The following NGFR variants were observed in gnomAD, a reference collection of about 807,000 sequenced individuals.
The protein encoded by NGFR is nerve growth factor receptor.
NGFR carries 30 observed loss-of-function variants against 43.2 expected under a neutral mutation model. The ratio of observed to expected loss-of-function variants is 0.69; its 90% confidence interval spans 0.52 to 0.94. NGFR has a LOEUF of 0.94. Among genes scored for constraint, NGFR ranks in the 40% least tolerant of loss-of-function variants. NGFR has a pLI of 0.00. For missense variants in NGFR, 529 were observed against 602.5 expected (o/e 0.88, Z 1.28); for synonymous variants, 246 against 259.6 (o/e 0.95, Z 0.50).
At chr17:49,502,814 T>A (rs1273866298) in intron 2 of NGFR, among the ~76,000 whole-genome samples, 1 of 142,794 alleles carries the variant, frequency 7.0e-6, no homozygotes, top group African/African-American at 2.7e-5. Context: ...TGCCTGGGAT[T>A]TCTTCCTTCC....
intron 1 of NGFR, among the ~76,000 whole-genome samples, chr17:49,499,260 C>T (rs1329930402): frequency 6.6e-6 from 1 of 152,146 alleles, no homozygotes; most frequent in Non-Finnish European, 1.5e-5. Flanking sequence ...TTGCACAAAG[C>T]CCCCACACCA....
rs755607572 is a variant in NGFR at position 49,512,696 on chromosome 17, G to A, written c.983-12G>A. ...AGGGGTAGGACCTGACTCTCCTCTG[G>A]TTTCTCTGCAGCCCTCAAGGGTGAC... On this transcript the variant is annotated splice_polypyrimidine_tract_variant and intron_variant, in intron 5 of 5. Coordinates refer to ENST00000172229, the MANE Select transcript of NGFR (RefSeq NM_002507.4). The surrounding 1 kb of genome is among the most constrained non-coding windows in gnomAD (Gnocchi z 5.2). 3 of 1,565,902 alleles carry A rather than the reference G, an allele frequency of 1.9e-6. No individual in the cohort carries two copies. The highest frequency in any genetic ancestry group is 2.6e-6 in the Non-Finnish European group (3 of 1,154,600).
intron 2 of NGFR, among the ~76,000 whole-genome samples, chr17:49,502,815 T>TCTTTCTTC (rs750931350): frequency 1.2e-4 from 14 of 121,590 alleles, no homozygotes; most frequent in African/African-American, 3.4e-4. Flanking sequence ...GCCTGGGATT[T>TCTTTCTTC]CTTCCTTCCT....
chr17:49,502,192 C>T lies in NGFR; in HGVS notation c.196C>T (p.Pro66Ser), dbSNP rs748311816. The change falls in exon 2 of 6, where the codon CCC becomes TCC. Residue 66 changes from proline (P) to serine (S), a missense_variant. By Grantham distance (74) the Pro-to-Ser change is moderately conservative. Coordinates refer to ENST00000172229, the MANE Select transcript of NGFR (RefSeq NM_002507.4). ...TGGAGCCAACCAGACCGTGTGTGAG[C>T]CCTGCCTGGACAGTGAGTAGAGGGT... ...PCGANQTVCE[P>S]CLDSVTFSDV... 5.0e-6 allele frequency: 8 copies of T among 1,605,338 alleles called. No individual in the cohort carries two copies. In the Admixed American group the frequency reaches 1.3e-4, roughly 27 times the overall value.
In NGFR at chr17:49,511,962, G is replaced by C. The variant is rs139863693; in HGVS notation, c.892G>C (p.Gly298Arg). The C allele has an allele frequency of 3.7e-6, 6 of 1,613,538 alleles. No homozygotes were observed. In the African/African-American group the frequency reaches 6.7e-5, roughly 18 times the overall value. Residue 298 changes from glycine (G) to arginine (R), a missense_variant, in exon 5 of 6, where the codon GGA (glycine) becomes CGA (arginine). Coordinates refer to ENST00000172229, the MANE Select transcript of NGFR (RefSeq NM_002507.4). ...AGTGAACCAGACGCCCCCACCAGAGGGAGAAAAACTCCACAGCGACAGTGG... is the reference window on the plus strand; with the variant it reads ...AGTGAACCAGACGCCCCCACCAGAGCGAGAAAAACTCCACAGCGACAGTGG... Reference protein sequence around the residue: ...RPVNQTPPPEGEKLHSDSGIS... With the variant: ...RPVNQTPPPEREKLHSDSGIS...
At chr17:49,503,387 G>T (rs1278612001) in intron 2 of NGFR, among the ~76,000 whole-genome samples, 1 of 152,170 alleles carries the variant, frequency 6.6e-6, no homozygotes, top group Non-Finnish European at 1.5e-5. Context: ...CCTTTGGGCC[G>T]TGGGCTCCCT....
intron 1 of NGFR, chr17:49,496,061 A>G (rs2071136504): frequency 6.6e-6 from 1 of 150,942 alleles, no homozygotes; most frequent in Admixed American, 6.6e-5. Flanking sequence ...GGGGCGTCGG[A>G]GGGAGAGGTT....
At chr17:49,507,608 C>G (rs907697677) in intron 3 of NGFR, among the ~76,000 whole-genome samples, 3 of 152,180 alleles carry the variant, frequency 2.0e-5, no homozygotes, top group African/African-American at 7.2e-5. Context: ...TGGTGACGTC[C>G]GTCTCAGGGG....
chr17:49,512,732 A>G lies in NGFR; in HGVS notation c.1007A>G (p.Tyr336Cys). 1.2e-6 allele frequency: 2 copies of G among 1,609,744 alleles called. No individual in the cohort carries two copies. ...GCCCTCAAGGGTGACGGAGGCCTCT[A>G]CAGCAGCCTGCCCCCAGCCAAGCGG... is the stretch of plus-strand genomic sequence containing the variant. ...GQALKGDGGL[Y>C]SSLPPAKREE... Residue 336 changes from tyrosine (Y) to cysteine (C), a missense_variant, in exon 6 of 6, where the codon TAC becomes TGC. Coordinates refer to ENST00000172229, the MANE Select transcript of NGFR (RefSeq NM_002507.4). The surrounding 1 kb of genome is among the most constrained non-coding windows in gnomAD (Gnocchi z 5.2).
intron 1 of NGFR, among the ~76,000 whole-genome samples, chr17:49,500,463 A>G (rs1010417364): frequency 6.6e-6 from 1 of 152,216 alleles, no homozygotes; most frequent in African/African-American, 2.4e-5. Context: ...GAGTCTATAA[A>G]GTTCAGGCCA....
chr17:49,511,949 G>A lies in NGFR; in HGVS notation c.879G>A (p.Thr293=), dbSNP rs141901124. 4,799 of 1,613,212 alleles carry A rather than the reference G, an allele frequency of 3.0e-3. 10 individuals carry two copies. The highest frequency in any genetic ancestry group is 3.6e-3 in the Non-Finnish European group (4,262 of 1,179,664). ...CCAACAGCCGGCCAGTGAACCAGAC[G>A]CCCCCACCAGAGGGAGAAAAACTCC... ...QGANSRPVNQ[T]PPPEGEKLHS... is the part of the protein sequence containing the mutation. Residue 293 remains threonine, a synonymous_variant, in exon 5 of 6, where the codon ACG becomes ACA. Coordinates refer to ENST00000172229, the MANE Select transcript of NGFR (RefSeq NM_002507.4).
Position 49,511,974 on chromosome 17 carries a change from C to CA in NGFR, c.905dup (p.His302GlnfsTer15), listed in dbSNP as rs2071235858. 6.2e-7 allele frequency: 1 copy of CA among 1,613,674 alleles called. No homozygotes were observed. The highest frequency in any genetic ancestry group is 1.3e-5 in the African/African-American group (1 of 74,918). On this transcript the variant is annotated frameshift_variant, in exon 5 of 6. Transcript: ENST00000172229. LOFTEE classifies it high-confidence loss of function. Reference sequence around the variant, plus strand: ...GCCCCCACCAGAGGGAGAAAAACTCCACAGCGACAGTGGCATCTCCGTGGA... The same window carrying CA: ...GCCCCCACCAGAGGGAGAAAAACTCCAACAGCGACAGTGGCATCTCCGTGGA...
chr17:49,504,424 T>C (rs2071184280), intron 2 of NGFR, among the ~76,000 whole-genome samples: 1 of 152,326 alleles, frequency 6.6e-6, no homozygotes, highest in East Asian at 1.9e-4. Flanking sequence ...CAAAGTTCAA[T>C]GTCCTCATCG....
At chr17:49,505,938 A>C in intron 2 of NGFR, 1 of 227,718 alleles carries the variant, frequency 4.4e-6, no homozygotes, top group Non-Finnish European at 8.5e-6. Context: ...CTGGGTGGGA[A>C]CCACGTTCAG....
chr17:49,510,948 G>T, intron 4 of NGFR: 8 of 453,832 alleles, frequency 1.8e-5, no homozygotes, highest in Admixed American at 7.1e-5. Context: ...AACTGCTTGT[G>T]TCCTCATCCC....
At position 49,506,293 on chromosome 17, in the gene NGFR, G is replaced by T. The variant is rs1210916294; in HGVS notation, c.209-6G>T. ...GACGACTAAATCTGGTGTCCGCTGC[G>T]CTCAGGCGTGACGTTCTCCGACGTG... On this transcript the variant is annotated splice_region_variant and splice_polypyrimidine_tract_variant and intron_variant, in intron 2 of 5. Transcript: ENST00000172229. The T allele has an allele frequency of 3.2e-6, 5 of 1,546,156 alleles. No individual in the cohort carries two copies. The highest frequency in any genetic ancestry group is 4.4e-6 in the Non-Finnish European group (5 of 1,147,980).
At chr17:49,504,158 A>C (rs1339083808) in intron 2 of NGFR, among the ~76,000 whole-genome samples, 1 of 152,152 alleles carries the variant, frequency 6.6e-6, no homozygotes, top group African/African-American at 2.4e-5. Flanking sequence ...AAGGAAACCT[A>C]TTAAGCCCCT....
chr17:49,502,000 A>AGCCCCCCCCCACCC, intron 1 of NGFR, 63 bp from the exon 2 acceptor site: 1 of 264,886 alleles, frequency 3.8e-6, no homozygotes. Flanking sequence ...CCCCGGAAGA[A>AGCCCCCCCCCACCC]CCCCCCCCAA....
intron 1 of NGFR, among the ~76,000 whole-genome samples, chr17:49,500,335 A>G (rs1017334206): frequency 2.6e-5 from 4 of 152,230 alleles, no homozygotes; most frequent in Admixed American, 6.5e-5. Context: ...GAGGTCATAC[A>G]GTATTTTCAT....
Sources: allele counts gnomAD v4.1 joint callset (sites outside exome capture counted in the v4.1 genomes callset), GRCh38; gene constraint gnomAD v4.1.1; non-coding constraint Gnocchi (gnomAD v3.1); transcripts MANE v1.5; gene names NCBI Gene and HGNC (gene_info 2026-07-23, HGNC 2026-07-21).